Variants in PCDHGA10 observed in about 807,000 individuals in gnomAD.
The protein encoded by PCDHGA10 is protocadherin gamma-A10.
Under a neutral mutation model 59.5 loss-of-function variants are expected in PCDHGA10, and 42 were observed. That is an observed-to-expected ratio of 0.71 (90% CI 0.55 to 0.91). PCDHGA10 has a LOEUF of 0.91. PCDHGA10 is among the 40% of genes least tolerant of loss of function. The pLI is 0.00. For missense variants in PCDHGA10, 1,111 were observed against 1,198.2 expected (o/e 0.93, Z 1.07); for synonymous variants, 511 against 517.2 (o/e 0.99, Z 0.16).
At chr5:141,429,329 A>G (rs1561840804) in intron 1 of PCDHGA10, among the ~76,000 whole-genome samples, 1 of 152,122 alleles carries the variant, frequency 6.6e-6, no homozygotes, top group Non-Finnish European at 1.5e-5. Flanking sequence ...TCTTTAATCC[A>G]TTAACTATAA....
In PCDHGA10 at chr5:141,415,110, C is replaced by G. The variant is rs1490074484; in HGVS notation, c.1935C>G (p.Ser645Arg). 2 of 1,613,548 alleles carry G rather than the reference C, an allele frequency of 1.2e-6. No homozygotes were observed. Among genetic ancestry groups the G allele is most frequent in the East Asian group, 2.2e-5 (1 of 44,894 alleles). ...TGGACAGAGACGCGCTCAAGCAAAG[C>G]CTCGTAGTGGCCGTCCAGGACCACG... ...ALLDRDALKQ[S>R]LVVAVQDHGQ... Residue 645 changes from serine (S) to arginine (R), a missense_variant, in exon 1 of 4, where the codon AGC becomes AGG. Transcript: ENST00000398610.
intron 2 of PCDHGA10, among the ~76,000 whole-genome samples, chr5:141,496,775 GCAGGGCC>G (rs1025427712): frequency 6.6e-6 from 1 of 152,038 alleles, no homozygotes; most frequent in Non-Finnish European, 1.5e-5. Flanking sequence ...TCTACTATGA[GCAGGGCC>G]CTGTGCTAAA....
chr5:141,423,157 G>A (rs527921011), intron 1 of PCDHGA10: 1 of 1,610,820 alleles, frequency 6.2e-7, no homozygotes, highest in Non-Finnish European at 8.5e-7. Flanking sequence ...GCAGAGCCTC[G>A]TGGTGGCCGT....
At chr5:141,423,102 C>T (rs778561065) in intron 1 of PCDHGA10, 7 of 1,613,920 alleles carry the variant, frequency 4.3e-6, no homozygotes, top group Non-Finnish European at 4.2e-6. Context: ...AGCACACGGG[C>T]GAGGTGCGTA....
intron 1 of PCDHGA10, chr5:141,430,923 A>C (rs2097325574): frequency 6.2e-7 from 1 of 1,607,168 alleles, no homozygotes; most frequent in African/African-American, 1.3e-5. Context: ...CTGGGGCTGG[A>C]GCCCCGGGAG....
chr5:141,431,702 T>C lies in PCDHGA10; in HGVS notation c.2436+16091T>C, dbSNP rs1349630251. The C allele has an allele frequency of 5.6e-6, 9 of 1,614,110 alleles. No individual in the cohort carries two copies. In the East Asian group the frequency reaches 8.9e-5, roughly 16 times the overall value. Reference sequence around the variant, plus strand: ...GTTGGACCACGAGGAGTCAGGATTCTACCAGATGGAAGTGCAAGCAATGGA... The same window carrying C: ...GTTGGACCACGAGGAGTCAGGATTCCACCAGATGGAAGTGCAAGCAATGGA... On this transcript the variant is annotated intron_variant, in intron 1 of 3. Transcript: ENST00000398610. This position sits in a 1 kb window ranked among gnomAD's most constrained non-coding sequence, Gnocchi z 4.8.
chr5:141,507,206 G>A (rs1392293998), intron 3 of PCDHGA10: 2 of 152,376 alleles, frequency 1.3e-5, no homozygotes, highest in African/African-American at 4.8e-5. Flanking sequence ...CCAGATCAGG[G>A]TTGCCAGATA....
intron 1 of PCDHGA10, among the ~76,000 whole-genome samples, chr5:141,479,135 G>C (rs1236040845): frequency 6.6e-6 from 1 of 152,126 alleles, no homozygotes; most frequent in East Asian, 1.9e-4. Flanking sequence ...TGTGCACCCT[G>C]CTTACAAAAT....
chr5:141,509,435 T>C (rs547082417), intron 3 of PCDHGA10, among the ~76,000 whole-genome samples: 1 of 152,214 alleles, frequency 6.6e-6, no homozygotes, highest in South Asian at 2.1e-4. Context: ...AAACTCTTGT[T>C]TCCTCCTCTC....
Position 141,491,414 on chromosome 5 carries a change from G to A in PCDHGA10, c.2437-3393G>A. On this transcript the variant is annotated intron_variant, in intron 1 of 3. Coordinates refer to ENST00000398610, the MANE Select transcript of PCDHGA10 (RefSeq NM_018913.3). The surrounding 1 kb of genome is among the most constrained non-coding windows in gnomAD (Gnocchi z 6.9). ...CTTCAGGGAAACGCAGACGGGGACGGGGGTGGAGGGCAGTGCTGCAGGCGC... is the reference window on the plus strand; with the variant it reads ...CTTCAGGGAAACGCAGACGGGGACGAGGGTGGAGGGCAGTGCTGCAGGCGC... 2 of 1,614,126 alleles carry A rather than the reference G, an allele frequency of 1.2e-6. No individual in the cohort carries two copies. Among genetic ancestry groups the A allele is most frequent in the Non-Finnish European group, 1.7e-6 (2 of 1,180,022 alleles).
At chr5:141,460,864 A>C (rs1220160866) in intron 1 of PCDHGA10, among the ~76,000 whole-genome samples, 1 of 151,800 alleles carries the variant, frequency 6.6e-6, no homozygotes, top group East Asian at 1.9e-4. Flanking sequence ...AAGTTGCTGC[A>C]AAGGACATTA....
chr5:141,486,707 C>A lies in PCDHGA10; in HGVS notation c.2437-8100C>A, dbSNP rs1314530265. On this transcript the variant is annotated intron_variant, in intron 1 of 3. Coordinates refer to ENST00000398610, the MANE Select transcript of PCDHGA10 (RefSeq NM_018913.3). The surrounding 1 kb of genome is among the most constrained non-coding windows in gnomAD (Gnocchi z 5.0). ...AGCTTCCTCTTTCATCTCTCTGAAC[C>A]CCCAGACAGGAGCTGTTCATGCTAC... 2 of 1,614,040 alleles carry A rather than the reference C, an allele frequency of 1.2e-6. No individual in the cohort carries two copies. The highest frequency in any genetic ancestry group is 1.7e-6 in the Non-Finnish European group (2 of 1,180,038).
chr5:141,427,224 A>G (rs1269896138), intron 1 of PCDHGA10: 1 of 456,768 alleles, frequency 2.2e-6, no homozygotes, highest in East Asian at 6.9e-5. Context: ...TAGCAGTTAT[A>G]CCATGAGAGT....
intron 3 of PCDHGA10, 96 bp downstream of exon 3, chr5:141,505,577 G>C: frequency 2.5e-6 from 4 of 1,589,854 alleles, no homozygotes; most frequent in Non-Finnish European, 3.4e-6. Flanking sequence ...TGTCAAACCT[G>C]TGTAGTTTCT....
intron 1 of PCDHGA10, among the ~76,000 whole-genome samples, chr5:141,438,591 CATATATATATATATATATAT>C (rs946798767): frequency 2.1e-4 from 16 of 75,572 alleles, no homozygotes; most frequent in Middle Eastern, 0.016. Context: ...TACATACATA[CATATATATATATATATATAT>C]ATATATATAT....
At chr5:141,455,607 G>A (rs2098827849) in intron 1 of PCDHGA10, among the ~76,000 whole-genome samples, 1 of 152,248 alleles carries the variant, frequency 6.6e-6, no homozygotes, top group East Asian at 1.9e-4. Context: ...GGGCGCCATG[G>A]ATGTTCTAAA....
chr5:141,430,328 T>C (rs961978065), intron 1 of PCDHGA10, among the ~76,000 whole-genome samples: 1 of 152,036 alleles, frequency 6.6e-6, no homozygotes, highest in Non-Finnish European at 1.5e-5. Flanking sequence ...AAATCATTGT[T>C]TATAGAAACT....
Position 141,491,954 on chromosome 5 carries a change from C to A in PCDHGA10, c.2437-2853C>A. ...TGGGACCGACCCCCACCCCTACACT[C>A]AAAAAAGGCCGGGGCCTCCTTCGAG... On this transcript the variant is annotated intron_variant, in intron 1 of 3. Transcript: ENST00000398610. This position sits in a 1 kb window ranked among gnomAD's most constrained non-coding sequence, Gnocchi z 6.9. The A allele has an allele frequency of 9.7e-7, 1 of 1,032,914 alleles. No individual in the cohort carries two copies. Among genetic ancestry groups the A allele is most frequent in the Non-Finnish European group, 1.3e-6 (1 of 747,256 alleles). The allele number at this position is 1,032,914 out of a possible 1,614,324, so 64.0% of individuals were successfully genotyped here.
chr5:141,434,480 C>T (rs777049751), intron 1 of PCDHGA10, among the ~76,000 whole-genome samples: 6 of 152,194 alleles, frequency 3.9e-5, no homozygotes, highest in Non-Finnish European at 5.9e-5. Context: ...GGGCAAGGAA[C>T]ACCTGGCCCG....
Sources: allele counts gnomAD v4.1 joint callset (sites outside exome capture counted in the v4.1 genomes callset), GRCh38; gene constraint gnomAD v4.1.1; non-coding constraint Gnocchi (gnomAD v3.1); transcripts MANE v1.5; gene names NCBI Gene and HGNC (gene_info 2026-07-23, HGNC 2026-07-21).